Variants in STAB2 observed in about 807,000 individuals in gnomAD.
The protein encoded by STAB2 is stabilin-2.
In STAB2, 288 loss-of-function variants were observed where a neutral mutation model predicts 338.1. The observed-to-expected ratio is 0.85, with a 90% CI of 0.77 to 0.94. STAB2 has a LOEUF of 0.94. Ranked by LOEUF, STAB2 falls within the 40% of genes least tolerant of loss-of-function variation. The pLI is 0.00. For missense variants in STAB2, 3,141 were observed against 3,210.1 expected (o/e 0.98, Z 0.52); for synonymous variants, 1,202 against 1,193.3 (o/e 1.01, Z -0.15).
intron 29 of STAB2, 49 bp from the exon 30 acceptor site, chr12:103,690,375 G>A (rs1449546770): frequency 4.1e-6 from 6 of 1,461,612 alleles, no homozygotes; most frequent in Admixed American, 1.8e-5. Flanking sequence ...CAATGATACA[G>A]CCCCATACAT....
At chr12:103,608,450 G>A (rs1297069053) in intron 3 of STAB2, among the ~76,000 whole-genome samples, 1 of 152,116 alleles carries the variant, frequency 6.6e-6, no homozygotes, top group Non-Finnish European at 1.5e-5. Context: ...CCTATGATAA[G>A]CATTTTTTCA....
chr12:103,608,747 A>G (rs1436209088), intron 3 of STAB2, among the ~76,000 whole-genome samples: 14 of 152,206 alleles, frequency 9.2e-5, no homozygotes, highest in African/African-American at 4.8e-5. Flanking sequence ...TGTTTTAGAC[A>G]TGAAGTACTT....
chr12:103,675,980 G>A lies in STAB2; in HGVS notation c.2605G>A (p.Asp869Asn), dbSNP rs267603274. Residue 869 changes from aspartate (D) to asparagine (N), a missense_variant, in exon 24 of 69, where the codon GAC becomes AAC. Transcript: ENST00000388887. ...EGDGTLCSEM[D>N]PCTGLTPGGC... ...AGATGGAACTCTGTGTTCTGAGATG[G>A]ACCCTTGCACAGGACTAACTCCAGG... The A allele has an allele frequency of 3.1e-6, 5 of 1,613,512 alleles. No individual in the cohort carries two copies. Among genetic ancestry groups the A allele is most frequent in the Non-Finnish European group, 4.2e-6 (5 of 1,179,816 alleles).
At chr12:103,735,470 G>A (rs748768929) in intron 51 of STAB2, 21 bp from the exon 52 acceptor site, 17 of 1,566,148 alleles carry the variant, frequency 1.1e-5, no homozygotes, top group South Asian at 2.4e-5. Context: ...GGGCAGTCAC[G>A]TGGTGCCATC....
At chr12:103,712,244 C>T (rs1417494084) in intron 40 of STAB2, 123 bp from the exon 41 acceptor site, 1 of 780,032 alleles carries the variant, frequency 1.3e-6, no homozygotes, top group Non-Finnish European at 2.3e-6. Context: ...AAGCCTTAGG[C>T]AGGACTTATG....
intron 43 of STAB2, 121 bp from the exon 44 acceptor site, chr12:103,717,649 C>T: frequency 1.3e-6 from 1 of 766,732 alleles, no homozygotes; most frequent in Non-Finnish European, 2.2e-6. Context: ...TTACCAACGT[C>T]AAATAGAGAC....
intron 34 of STAB2, among the ~76,000 whole-genome samples, chr12:103,701,353 C>T (rs1306848598): frequency 2.0e-5 from 3 of 152,092 alleles, no homozygotes; most frequent in African/African-American, 7.2e-5. Flanking sequence ...ATTTATAGTC[C>T]TTTGGGTATA....
At position 103,713,670 on chromosome 12, in the gene STAB2, G is replaced by C; in HGVS notation, c.4439G>C (p.Gly1480Ala). 3 of 1,614,054 alleles carry C rather than the reference G, an allele frequency of 1.9e-6. No individual in the cohort carries two copies. In the South Asian group the frequency reaches 3.3e-5, roughly 18 times the overall value. Residue 1480 changes from glycine to alanine, a missense_variant, in exon 42 of 69, where the codon GGA becomes GCA. By Grantham distance (60) the Gly-to-Ala change is moderately conservative. Coordinates refer to ENST00000388887, the MANE Select transcript of STAB2 (RefSeq NM_017564.10). ...TAINACEISNGGCSAKADCKR... is the reference protein window; with the variant it reads ...TAINACEISNAGCSAKADCKR... ...ATCAATGCCTGTGAGATCAGCAATG[G>C]AGGTTGCTCTGCCAAGGCTGACTGT...
Position 103,652,703 on chromosome 12 carries a change from A to T in STAB2, c.1405A>T (p.Lys469Ter). 6.3e-7 allele frequency: 1 copy of T among 1,597,902 alleles called. No homozygotes were observed. Among genetic ancestry groups the T allele is most frequent in the Non-Finnish European group, 8.5e-7 (1 of 1,173,170 alleles). Residue 469 changes from lysine to a stop codon, truncating the protein, a stop_gained and splice_region_variant, in exon 12 of 69, where the codon AAG (lysine) becomes TAG (stop). Coordinates refer to ENST00000388887, the MANE Select transcript of STAB2 (RefSeq NM_017564.10). LOFTEE classifies it high-confidence loss of function. ...GKSGEIFNSD[K>*]DNQIKLKLHG... ...GTCGGGGGAAATCTTCAACAGCGAT[A>T]AGGTAAGGGTTCCTCTGATTTTCAC...
chr12:103,652,846 A>G (rs891519972), intron 12 of STAB2, 141 bp downstream of exon 12: 5 of 971,752 alleles, frequency 5.1e-6, no homozygotes, highest in Non-Finnish European at 7.1e-6. Context: ...CAAACACCTT[A>G]TATAGGAAGA....
At chr12:103,669,378 A>G in intron 20 of STAB2, 163 bp from the exon 21 acceptor site, 1 of 624,040 alleles carries the variant, frequency 1.6e-6, no homozygotes, top group Non-Finnish European at 2.9e-6. Flanking sequence ...TGGTGACCAG[A>G]TGACTGAGCA....
chr12:103,640,187 A>G lies in STAB2; in HGVS notation c.971A>G (p.Asp324Gly), dbSNP rs1872815637. The change falls in exon 9 of 69, where the codon GAT becomes GGT. Residue 324 changes from aspartate (D) to glycine (G), a missense_variant. Asp to Gly is a moderately conservative substitution (Grantham distance 94). Transcript: ENST00000388887. ...CCTGGAGTGGGGTGCAGTATGACTGATATATGTAAATCAGATAACCCGTGT... is the reference window on the plus strand; with the variant it reads ...CCTGGAGTGGGGTGCAGTATGACTGGTATATGTAAATCAGATAACCCGTGT... The part of the protein sequence containing the change: ...FVPGVGCSMT[D>G]ICKSDNPCHR... 6.2e-7 allele frequency: 1 copy of G among 1,613,948 alleles called. No individual in the cohort carries two copies. Among genetic ancestry groups the G allele is most frequent in the Non-Finnish European group, 8.5e-7 (1 of 1,179,900 alleles).
chr12:103,679,100 G>T (rs556169969), intron 25 of STAB2, among the ~76,000 whole-genome samples: 1 of 152,168 alleles, frequency 6.6e-6, no homozygotes, highest in African/African-American at 2.4e-5. Flanking sequence ...CATGGGCCGG[G>T]CACTGTGGCT....
At chr12:103,738,807 C>T (rs149200845) in intron 53 of STAB2, among the ~76,000 whole-genome samples, 1 of 152,290 alleles carries the variant, frequency 6.6e-6, no homozygotes, top group African/African-American at 2.4e-5. Context: ...AACACTTGCA[C>T]CCATATGTCC....
At chr12:103,618,878 C>T (rs1161058678) in intron 3 of STAB2, among the ~76,000 whole-genome samples, 1 of 152,058 alleles carries the variant, frequency 6.6e-6, no homozygotes, top group Non-Finnish European at 1.5e-5. Context: ...ATGGGAGGGA[C>T]CCAGGGGGAG....
rs147127574 is a variant in STAB2 at position 103,667,078 on chromosome 12, A to G, written c.2085+725A>G. Reference sequence around the variant, plus strand: ...AGAAATTTTTGCCTATAAGTTTATCATAAGAAAGAACTTACCAATGAGAAG... The same window carrying G: ...AGAAATTTTTGCCTATAAGTTTATCGTAAGAAAGAACTTACCAATGAGAAG... On this transcript the variant is annotated intron_variant, in intron 19 of 68. Coordinates refer to ENST00000388887, the MANE Select transcript of STAB2 (RefSeq NM_017564.10). Among the ~76,000 whole-genome samples the G allele has an allele frequency of 1.9e-3, 284 of 152,372 alleles. 2 individuals carry two copies. The East Asian group carries it at 0.033, about 18-fold the overall frequency.
At chr12:103,702,060 TTA>T (rs909830001) in intron 34 of STAB2, among the ~76,000 whole-genome samples, 1 of 150,312 alleles carries the variant, frequency 6.7e-6, no homozygotes, top group African/African-American at 2.5e-5. Flanking sequence ...TTGCTTCCAG[TTA>T]TATATGTGTT....
In STAB2 at chr12:103,638,058, A is replaced by C; in HGVS notation, c.752A>C (p.His251Pro). 5.6e-6 allele frequency: 9 copies of C among 1,614,128 alleles called. No individual in the cohort carries two copies. Among genetic ancestry groups the C allele is most frequent in the Non-Finnish European group, 6.8e-6 (8 of 1,180,006 alleles). ...CGAAAAATCTGCCACCCTCATGCTC[A>C]TTGTACGTACCTGGGACCAAATCGG... is the stretch of plus-strand genomic sequence containing the variant. ...CLRKICHPHAHCTYLGPNRHS... is the reference protein window; with the variant it reads ...CLRKICHPHAPCTYLGPNRHS... The change falls in exon 8 of 69, where the codon CAT becomes CCT. Residue 251 changes from histidine to proline, a missense_variant. By Grantham distance (77) the His-to-Pro change is moderately conservative (BLOSUM62 -2). Transcript: ENST00000388887.
intron 50 of STAB2, 38 bp from the exon 51 acceptor site, chr12:103,732,968 T>C (rs1463527665): frequency 2.0e-5 from 32 of 1,603,106 alleles, no homozygotes; most frequent in Non-Finnish European, 2.7e-5. Flanking sequence ...GTCTGGGCCT[T>C]GCTCAAGCCA....
Sources: allele counts gnomAD v4.1 joint callset (sites outside exome capture counted in the v4.1 genomes callset), GRCh38; gene constraint gnomAD v4.1.1; transcripts MANE v1.5; gene names NCBI Gene and HGNC (gene_info 2026-07-23, HGNC 2026-07-21).